The following PPARG variants were observed in gnomAD, a reference collection of about 807,000 sequenced individuals.
PPARG encodes peroxisome proliferator-activated receptor gamma.
Under a neutral mutation model 39.2 loss-of-function variants are expected in PPARG, and 17 were observed. The ratio of observed to expected loss-of-function variants is 0.43; its 90% confidence interval spans 0.30 to 0.65. The LOEUF is 0.65. PPARG is among the 30% of genes least tolerant of loss of function. The probability of loss-of-function intolerance (pLI) is 0.13; values close to 1 mark genes in which losing one functional copy is unlikely to be tolerated. For synonymous variants in PPARG, 223 were observed against 215.7 expected (o/e 1.03, Z -0.30); for missense variants, 406 against 585.9 (o/e 0.69, Z 3.17).
rs188654708 is a variant in PPARG, at chr3:12,374,198, G to A, written c.-8-5506G>A. 2.0e-5 allele frequency among the ~76,000 whole-genome samples: 3 copies of A among 152,304 alleles called. No homozygotes were observed. The East Asian group carries it at 5.8e-4, about 29-fold the overall frequency. ...GACAGCAAAACCATACCATTCTTGG[G>A]TGGAGGAAGGGAGGAATGAATAGGT... On this transcript the variant is annotated intron_variant, in intron 2 of 7. Coordinates refer to ENST00000651735, the MANE Select transcript of PPARG (RefSeq NM_138711.6).
At chr3:12,426,411 A>T (rs535539313) in intron 7 of PPARG, among the ~76,000 whole-genome samples, 10 of 152,182 alleles carry the variant, frequency 6.6e-5, no homozygotes, top group Non-Finnish European at 1.2e-4. Context: ...AGTAAACGAC[A>T]TTGCTCCTCA....
intron 1 of PPARG, among the ~76,000 whole-genome samples, chr3:12,295,575 G>A (rs1454959046): frequency 2.0e-5 from 3 of 150,512 alleles, no homozygotes; most frequent in African/African-American, 4.9e-5. Context: ...GTGCAATGGC[G>A]CCATCTTGGC....
At chr3:12,298,347 G>GAGT (rs2046847669) in intron 1 of PPARG, among the ~76,000 whole-genome samples, 1 of 139,072 alleles carries the variant, frequency 7.2e-6, no homozygotes, top group Non-Finnish European at 1.5e-5. Context: ...AATAGCAAGC[G>GAGT]AGTAGAGGTT....
intron 2 of PPARG, among the ~76,000 whole-genome samples, chr3:12,343,518 G>A (rs376376994): frequency 3.3e-5 from 5 of 152,048 alleles, no homozygotes; most frequent in East Asian, 1.9e-4. Context: ...AAATGACTTC[G>A]CAGGGTTGAG....
At chr3:12,371,364 A>G (rs1181970054) in intron 2 of PPARG, among the ~76,000 whole-genome samples, 3 of 152,332 alleles carry the variant, frequency 2.0e-5, no homozygotes, top group Admixed American at 6.5e-5. Flanking sequence ...CAACATTTGT[A>G]TATCTGTACT....
At chr3:12,366,370 A>C (rs2049017464) in intron 2 of PPARG, among the ~76,000 whole-genome samples, 1 of 151,470 alleles carries the variant, frequency 6.6e-6, no homozygotes, top group Non-Finnish European at 1.5e-5. Context: ...TTTTATGTAG[A>C]AGTCATGTCA....
In PPARG at chr3:12,416,859, A is replaced by C; in HGVS notation, c.885A>C (p.Thr295=). 1 of 1,614,182 alleles carries C rather than the reference A, an allele frequency of 6.2e-7. No homozygotes were observed. The highest frequency in any genetic ancestry group is 8.5e-7 in the Non-Finnish European group (1 of 1,180,008). ...FRSVEAVQEI[T]EYAKSIPGFV... ...CCGTGGAGGCTGTGCAGGAGATCACAGAGTATGCCAAAAGCATTCCTGGTT... is the reference window on the plus strand; with the variant it reads ...CCGTGGAGGCTGTGCAGGAGATCACCGAGTATGCCAAAAGCATTCCTGGTT... Residue 295 remains threonine, a synonymous_variant, in exon 7 of 8, where the codon ACA becomes ACC. Transcript: ENST00000651735.
chr3:12,345,402 T>G (rs1349892156), intron 2 of PPARG, among the ~76,000 whole-genome samples: 1 of 152,204 alleles, frequency 6.6e-6, no homozygotes, highest in Admixed American at 6.5e-5. Flanking sequence ...CCACATTAAG[T>G]GATTCATCAT....
At chr3:12,389,861 C>G (rs1335373410) in intron 4 of PPARG, among the ~76,000 whole-genome samples, 1 of 152,130 alleles carries the variant, frequency 6.6e-6, no homozygotes, top group Non-Finnish European at 1.5e-5. Flanking sequence ...AGCACCACTG[C>G]ACTCCAGCCT....
intron 1 of PPARG, among the ~76,000 whole-genome samples, chr3:12,308,077 A>G (rs2047122246): frequency 6.6e-6 from 1 of 152,110 alleles, no homozygotes; most frequent in Non-Finnish European, 1.5e-5. Context: ...AGGTAGGATA[A>G]TAGGAGGCCG....
At chr3:12,380,812 A>T (rs888884233) in intron 3 of PPARG, among the ~76,000 whole-genome samples, 22 of 152,308 alleles carry the variant, frequency 1.4e-4, no homozygotes, top group Middle Eastern at 3.4e-3. Flanking sequence ...CCTTTGACTG[A>T]ACACTAATGG....
chr3:12,354,892 TGTGA>T (rs1399601326), intron 2 of PPARG, among the ~76,000 whole-genome samples: 1 of 152,198 alleles, frequency 6.6e-6, no homozygotes, highest in African/African-American at 2.4e-5. Flanking sequence ...CATGATCTCC[TGTGA>T]GTGTTTTGAG....
intron 1 of PPARG, among the ~76,000 whole-genome samples, chr3:12,306,915 G>A (rs957573000): frequency 1.3e-5 from 2 of 151,730 alleles, no homozygotes; most frequent in Admixed American, 6.6e-5. Context: ...TGGCTAACAC[G>A]GTGTAACCCC....
chr3:12,326,895 T>C (rs1003011872), intron 2 of PPARG, among the ~76,000 whole-genome samples: 6 of 152,206 alleles, frequency 3.9e-5, no homozygotes, highest in Non-Finnish European at 8.8e-5. Context: ...GTGGAGGCTG[T>C]ACAGATATCC....
At chr3:12,319,395 T>TA (rs1449217405) in intron 2 of PPARG, among the ~76,000 whole-genome samples, 6 of 152,312 alleles carry the variant, frequency 3.9e-5, no homozygotes, top group African/African-American at 1.2e-4. Context: ...TGTAGGAGTA[T>TA]AAAAAATCTA....
intron 2 of PPARG, among the ~76,000 whole-genome samples, chr3:12,368,338 C>G (rs868868639): frequency 6.6e-6 from 1 of 151,864 alleles, no homozygotes; most frequent in Non-Finnish European, 1.5e-5. Context: ...TGCGCCACCA[C>G]GCCCGGCTAA....
At chr3:12,353,679 G>A (rs1357066455) in intron 2 of PPARG, among the ~76,000 whole-genome samples, 1 of 152,098 alleles carries the variant, frequency 6.6e-6, no homozygotes. Flanking sequence ...TAAAAATCTC[G>A]ACTACACTTA....
chr3:12,418,452 A>G (rs1285642185), intron 7 of PPARG, among the ~76,000 whole-genome samples: 2 of 152,222 alleles, frequency 1.3e-5, no homozygotes, highest in Non-Finnish European at 2.9e-5. Context: ...AACTGTATAT[A>G]ACTGCACAAT....
intron 4 of PPARG, among the ~76,000 whole-genome samples, chr3:12,387,635 A>G (rs2049928151): frequency 6.6e-6 from 1 of 152,170 alleles, no homozygotes; most frequent in South Asian, 2.1e-4. Flanking sequence ...TCAGATGGGT[A>G]GATTGCAAAA....
Sources: allele counts gnomAD v4.1 joint callset (sites outside exome capture counted in the v4.1 genomes callset), GRCh38; gene constraint gnomAD v4.1.1; transcripts MANE v1.5; gene names NCBI Gene and HGNC (gene_info 2026-07-23, HGNC 2026-07-21).